Variants in CHL1 observed in about 807,000 individuals in gnomAD.
The protein encoded by CHL1 is cell adhesion molecule L1 like.
A neutral mutation model predicts 141.9 loss-of-function variants in CHL1; 96 were observed. The observed-to-expected ratio is 0.68, with a 90% confidence interval of 0.57 to 0.80. The LOEUF (loss-of-function observed/expected upper bound fraction) is 0.80. Ranked by LOEUF, CHL1 falls within the 30% of genes least tolerant of loss-of-function variation. CHL1 has a pLI of 0.00. For synonymous variants in CHL1, 613 were observed against 502.2 expected (o/e 1.22, Z -2.95); for missense variants, 1,820 against 1,457.2 (o/e 1.25, Z -4.05).
chr3:221,698 C>A (rs772694330), intron 1 of CHL1, among the ~76,000 whole-genome samples: 6 of 152,214 alleles, frequency 3.9e-5, no homozygotes, highest in Admixed American at 1.3e-4. Flanking sequence ...TTCCAATGTT[C>A]TTATCAGTTC....
intron 1 of CHL1, among the ~76,000 whole-genome samples, chr3:206,113 T>A (rs1310101107): frequency 9.2e-5 from 14 of 152,208 alleles, no homozygotes; most frequent in Admixed American, 9.2e-4. Flanking sequence ...CATAAAGGAA[T>A]CCTACTGAGG....
intron 6 of CHL1, among the ~76,000 whole-genome samples, chr3:341,540 A>G (rs1436369815): frequency 2.6e-5 from 4 of 152,212 alleles, no homozygotes; most frequent in Admixed American, 2.0e-4. Context: ...TGTTTTAAAT[A>G]AACGTGATTC....
At chr3:393,356 T>C (rs1288529541) in intron 23 of CHL1, among the ~76,000 whole-genome samples, 3 of 152,092 alleles carry the variant, frequency 2.0e-5, no homozygotes, top group African/African-American at 7.2e-5. Flanking sequence ...GCAGAAATAT[T>C]TTAAGATTCT....
intron 1 of CHL1, among the ~76,000 whole-genome samples, chr3:206,002 G>A (rs1017994405): frequency 3.3e-5 from 5 of 152,028 alleles, no homozygotes; most frequent in Admixed American, 3.3e-4. Context: ...CGATTAGCAG[G>A]ATTCTCCAGC....
chr3:285,297 G>C (rs187334981), intron 2 of CHL1, among the ~76,000 whole-genome samples: 90 of 152,236 alleles, frequency 5.9e-4, no homozygotes, highest in African/African-American at 2.1e-3. Context: ...TGGGTGACTT[G>C]GGCATTTAAA....
At chr3:298,937 A>C (rs180677378) in intron 2 of CHL1, among the ~76,000 whole-genome samples, 14 of 152,324 alleles carry the variant, frequency 9.2e-5, no homozygotes, top group Non-Finnish European at 1.5e-4. Context: ...AATAGACAGT[A>C]ATATTTTTTA....
In CHL1 at chr3:363,240, C is replaced by T. The variant is rs866419376; in HGVS notation, c.1442C>T (p.Pro481Leu). ...AGGCAGAAGGTGGAAGAAGTGAAAC[C>T]CCTGGAGGGCAGGCGGTATCATATC... is the stretch of plus-strand genomic sequence containing the variant. ...VSWQKVEEVK[P>L]LEGRRYHIYE... The change falls in exon 14 of 28, where the codon CCC becomes CTC. Residue 481 changes from proline (P) to leucine (L), a missense_variant. Physicochemically the swap from Pro to Leu is moderately conservative, Grantham distance 98. Coordinates refer to ENST00000256509, the MANE Select transcript of CHL1 (RefSeq NM_006614.4). 1 of 1,610,458 alleles carries T rather than the reference C, an allele frequency of 6.2e-7. No homozygotes were observed. The highest frequency in any genetic ancestry group is 2.2e-5 in the East Asian group (1 of 44,748).
At chr3:285,961 G>T (rs1559200838) in intron 2 of CHL1, among the ~76,000 whole-genome samples, 1 of 151,924 alleles carries the variant, frequency 6.6e-6, no homozygotes, top group Non-Finnish European at 1.5e-5. Flanking sequence ...CTCTCTGGCA[G>T]TTTTTTTTCT....
intron 15 of CHL1, among the ~76,000 whole-genome samples, chr3:375,876 G>C (rs1706250340): frequency 6.6e-6 from 1 of 152,140 alleles, no homozygotes; most frequent in Non-Finnish European, 1.5e-5. Context: ...GAATCGTTTT[G>C]TCATAGTGCC....
intron 2 of CHL1, among the ~76,000 whole-genome samples, chr3:317,757 A>T (rs1418546862): frequency 6.6e-6 from 1 of 151,600 alleles, no homozygotes; most frequent in Non-Finnish European, 1.5e-5. Context: ...ATGTCTCCCA[A>T]CTTTGTACAA....
chr3:202,395 C>T (rs769582892), intron 1 of CHL1, among the ~76,000 whole-genome samples: 1 of 152,114 alleles, frequency 6.6e-6, no homozygotes, highest in Admixed American at 6.6e-5. Context: ...CTGTTGATTC[C>T]TACATTAATT....
intron 1 of CHL1, among the ~76,000 whole-genome samples, chr3:207,095 T>G (rs1418393202): frequency 1.3e-5 from 2 of 152,208 alleles, no homozygotes; most frequent in Non-Finnish European, 2.9e-5. Flanking sequence ...AAAAGGCAAC[T>G]CTATTTCAGG....
chr3:300,935 G>A (rs1698671557), intron 2 of CHL1, among the ~76,000 whole-genome samples: 2 of 152,146 alleles, frequency 1.3e-5, no homozygotes, highest in South Asian at 2.1e-4. Flanking sequence ...AGAGATTGGA[G>A]TGTTTAGGAA....
At chr3:369,148 T>C (rs1418019624) in intron 15 of CHL1, among the ~76,000 whole-genome samples, 1 of 152,146 alleles carries the variant, frequency 6.6e-6, no homozygotes, top group Admixed American at 6.5e-5. Context: ...CAATGGTAGT[T>C]TGATGGGAAT....
chr3:275,899 T>C (rs1383784353), intron 2 of CHL1, among the ~76,000 whole-genome samples: 3 of 152,068 alleles, frequency 2.0e-5, no homozygotes, highest in Non-Finnish European at 4.4e-5. Flanking sequence ...TGTATATATA[T>C]ACTATGTGCC....
chr3:391,775 C>G lies in CHL1; in HGVS notation c.2892C>G (p.Gly964=), dbSNP rs1217205298. The G allele has an allele frequency of 1.3e-6, 2 of 1,590,078 alleles. No individual in the cohort carries two copies. The highest frequency in any genetic ancestry group is 1.7e-6 in the Non-Finnish European group (2 of 1,168,354). The change falls in exon 23 of 28, where the codon GGC becomes GGG. Residue 964 remains glycine, a synonymous_variant. Coordinates refer to ENST00000256509, the MANE Select transcript of CHL1 (RefSeq NM_006614.4). ...AGAAATTAAATGGAAACTTAACTGG[C>G]TATCTTTTGCAATATCAGATAAGTA... is the stretch of plus-strand genomic sequence containing the variant. ...LPKKLNGNLT[G]YLLQYQIIND... is the part of the protein sequence containing the mutation.
chr3:349,334 T>G (rs773079679), intron 9 of CHL1, 25 bp from the exon 10 acceptor site: 148 of 1,583,010 alleles, frequency 9.3e-5, no homozygotes, highest in Non-Finnish European at 1.2e-4. Context: ...AAAAAAATGT[T>G]TATTTATTTA....
intron 11 of CHL1, among the ~76,000 whole-genome samples, 166 bp downstream of exon 11, chr3:354,937 C>A (rs1242351065): frequency 6.6e-6 from 1 of 152,048 alleles, no homozygotes; most frequent in Non-Finnish European, 1.5e-5. Context: ...GTTGTTAAGA[C>A]TTGATATTCA....
intron 2 of CHL1, among the ~76,000 whole-genome samples, chr3:252,145 A>G (rs1369682244): frequency 6.6e-6 from 1 of 151,792 alleles, no homozygotes; most frequent in Non-Finnish European, 1.5e-5. Context: ...GTAAAATTTT[A>G]TTACATTTCT....
Sources: gnomAD v4.1 joint callset for allele counts (sites outside exome capture counted in the v4.1 genomes callset) on GRCh38, gnomAD v4.1.1 for gene constraint, MANE v1.5 for transcripts, NCBI Gene and HGNC (gene_info 2026-07-23, HGNC 2026-07-21) for gene names.